OR8G1: variants seen among roughly 807,000 people sequenced by gnomAD.
OR8G1 encodes olfactory receptor 8G1.
For synonymous variants in OR8G1, 129 were observed against 133.3 expected, an observed-to-expected ratio of 0.97 and a Z score of 0.22; for missense variants, 372 against 356.2, an observed-to-expected ratio of 1.04 and a Z score of -0.36.
intron 2 of OR8G1, 79 bp downstream of exon 2, chr11:124,247,959 A>G (rs1861828536): frequency 6.6e-6 from 1 of 151,918 alleles, no homozygotes; most frequent in African/African-American, 2.4e-5. Context: ...TCTTTTCCAA[A>G]GTGGTTGGAC....
At chr11:124,244,069 AGGGAGAGAGAGATGGAGAGAGAAC>A (rs1861787805) in intron 1 of OR8G1, among the ~76,000 whole-genome samples, 3 of 143,772 alleles carry the variant, frequency 2.1e-5, no homozygotes, top group Admixed American at 6.9e-5. Context: ...AAGGATGGAG[AGGGAGAGAGAGATGGAGAGAGAAC>A]GAGGAAAGGA....
chr11:124,250,415 C>T lies in OR8G1; in HGVS notation c.740C>T (p.Ala247Val), dbSNP rs4482039. Residue 247 changes from alanine (A) to valine (V), a missense_variant, in exon 3 of 3, where the codon GCG becomes GTG. Coordinates refer to ENST00000641972, the MANE Select transcript of OR8G1 (RefSeq NM_001002905.2). The part of the protein sequence containing the change: ...AFSTCSSHML[A>V]VVIFFGSAAF... ...AGCACTTGTAGCTCCCACATGTTGG[C>T]GGTTGTAATCTTTTTTGGATCTGCA... 8.5e-3 allele frequency: 13,718 copies of T among 1,613,704 alleles called. 792 individuals are homozygous for T. The African/African-American group carries it at 0.14, about 17-fold the overall frequency.
At position 124,253,119 on chromosome 11, in the gene OR8G1, G is replaced by A. The variant is rs2466711; in HGVS notation, c.*2508G>A. 3.9e-5 allele frequency: 6 copies of A among 152,112 alleles called. No individual in the cohort carries two copies. In the East Asian group the frequency reaches 1.2e-3, roughly 29 times the overall value. 9.4% of individuals were successfully genotyped at this position (152,112 alleles called of 1,614,324 possible). On this transcript the variant is annotated 3_prime_UTR_variant, in exon 3 of 3. Transcript: ENST00000641972. Reference sequence around the variant, plus strand: ...AAGATAAAACAATAATTTAAAGTCCGTTAGAAAACTATTTATGTTTGCTGA... The same window carrying A: ...AAGATAAAACAATAATTTAAAGTCCATTAGAAAACTATTTATGTTTGCTGA...
chr11:124,249,249 C>A (rs1861839870), intron 2 of OR8G1, among the ~76,000 whole-genome samples: 1 of 152,054 alleles, frequency 6.6e-6, no homozygotes, highest in South Asian at 2.1e-4. Flanking sequence ...ACAGTAATAT[C>A]TCTGTTCACC....
intron 1 of OR8G1, among the ~76,000 whole-genome samples, chr11:124,246,696 A>C (rs12419489): frequency 0.017 from 2,644 of 151,882 alleles, 47 homozygotes; most frequent in Admixed American, 0.041. Flanking sequence ...TATAGATCAC[A>C]TGACCCTCCA....
rs1013363511 is a variant in OR8G1 at position 124,254,280 on chromosome 11, A to G, written c.*3669A>G. The G allele has an allele frequency of 1.3e-5, 2 of 152,096 alleles. No homozygotes were observed. Among genetic ancestry groups the G allele is most frequent in the African/African-American group, 4.8e-5 (2 of 41,438 alleles). 9.4% of individuals were successfully genotyped at this position (152,096 alleles called of 1,614,324 possible). ...ACTGTAGTTTCTCTGCAATTTGATGATTTGTAATTTTGAACACTTTTTCAT... is the reference window on the plus strand; with the variant it reads ...ACTGTAGTTTCTCTGCAATTTGATGGTTTGTAATTTTGAACACTTTTTCAT... On this transcript the variant is annotated 3_prime_UTR_variant, in exon 3 of 3. Coordinates refer to ENST00000641972, the MANE Select transcript of OR8G1 (RefSeq NM_001002905.2).
At chr11:124,244,471 C>G (rs1861793018) in intron 1 of OR8G1, among the ~76,000 whole-genome samples, 1 of 151,832 alleles carries the variant, frequency 6.6e-6, no homozygotes, top group African/African-American at 2.4e-5. Context: ...GTTACTCGGT[C>G]TTACTCATGA....
chr11:124,247,084 G>T (rs1367493195), intron 1 of OR8G1, among the ~76,000 whole-genome samples: 1 of 151,598 alleles, frequency 6.6e-6, no homozygotes, highest in Non-Finnish European at 1.5e-5. Context: ...AAGTTGAATT[G>T]TTGATTCAAG....
rs771640961 is a variant in OR8G1, at chr11:124,249,774, A to C, written c.99A>C (p.Gly33=). The change falls in exon 3 of 3, where the codon GGA becomes GGC. Residue 33 remains glycine, a synonymous_variant. Transcript: ENST00000641972. ...TGCCCCTCTTCCTCCTGTTCTTAGG[A>C]ATCTATGTGGTCACAGTGGTGGGCA... ...LQLPLFLLFL[G]IYVVTVVGNL... The C allele has an allele frequency of 2.5e-6, 4 of 1,613,838 alleles. No individual in the cohort carries two copies. In the Admixed American group the frequency reaches 6.7e-5, roughly 27 times the overall value.
In OR8G1 at chr11:124,241,279, G is replaced by T. The variant is rs1861758079; in HGVS notation, c.-182G>T. ...ACCAACATTAATGCCATGTCAGGAA[G>T]AGAACATTCCAAGCCAACATTCTCC... On this transcript the variant is annotated 5_prime_UTR_variant, in exon 1 of 3. The change creates a premature stop within an existing upstream ORF in the 5' untranslated region. Coordinates refer to ENST00000641972, the MANE Select transcript of OR8G1 (RefSeq NM_001002905.2). The T allele has an allele frequency of 6.6e-6, 1 of 152,110 alleles. No homozygotes were observed. The highest frequency in any genetic ancestry group is 1.5e-5 in the Non-Finnish European group (1 of 68,020). 9.4% of individuals were successfully genotyped at this position (152,110 alleles called of 1,614,324 possible). A position where few individuals can be genotyped will look rare whatever the true frequency, so the allele number is the denominator to read the frequency against.
chr11:124,244,486 G>A (rs1861793101), intron 1 of OR8G1, among the ~76,000 whole-genome samples: 1 of 151,884 alleles, frequency 6.6e-6, no homozygotes, highest in African/African-American at 2.4e-5. Flanking sequence ...TCATGAGCAT[G>A]TTGTGAGAGC....
chr11:124,248,263 G>A (rs1318930158), intron 2 of OR8G1, among the ~76,000 whole-genome samples: 1 of 151,678 alleles, frequency 6.6e-6, no homozygotes, highest in Non-Finnish European at 1.5e-5. Flanking sequence ...CCCTTTTTCA[G>A]ATATATGTAT....
intron 1 of OR8G1, among the ~76,000 whole-genome samples, chr11:124,242,503 C>T (rs1355380159): frequency 1.3e-5 from 2 of 152,000 alleles, no homozygotes; most frequent in Non-Finnish European, 1.5e-5. Context: ...ACAGTCTTAT[C>T]TGTGAGAACC....
intron 1 of OR8G1, among the ~76,000 whole-genome samples, chr11:124,246,876 AAAAAG>A (rs1445285974): frequency 1.7e-3 from 63 of 37,454 alleles, no homozygotes; most frequent in African/African-American, 8.9e-3. Context: ...CTAAAAAAAA[AAAAAG>A]GCCCCACATC....
At chr11:124,247,217 T>A (rs1022007652) in intron 1 of OR8G1, among the ~76,000 whole-genome samples, 2 of 151,754 alleles carry the variant, frequency 1.3e-5, no homozygotes, top group Non-Finnish European at 2.9e-5. Flanking sequence ...AAAATTAACA[T>A]ACCCAAAAGT....
Position 124,250,659 on chromosome 11 carries a change from T to C in OR8G1, c.*48T>C. The stretch of plus-strand genomic sequence containing the variant: ...ATATTAATCCTAAGTAGTGGACTGT[T>C]ACATTGTATGAATGGATGTCTTTCA... On this transcript the variant is annotated 3_prime_UTR_variant, in exon 3 of 3. Transcript: ENST00000641972. The C allele has an allele frequency of 2.4e-6, 1 of 410,914 alleles. No individual in the cohort carries two copies. The highest frequency in any genetic ancestry group is 3.8e-6 in the Non-Finnish European group (1 of 260,722). 25.5% of individuals were successfully genotyped at this position (410,914 alleles called of 1,614,324 possible).
chr11:124,250,521 G>T lies in OR8G1; in HGVS notation c.846G>T (p.Val282=). The change falls in exon 3 of 3, where the codon GTG becomes GTT. Residue 282 remains valine, a synonymous_variant. Coordinates refer to ENST00000641972, the MANE Select transcript of OR8G1 (RefSeq NM_001002905.2). ...CCTCTGTGTTTTATACTATTATTGT[G>T]CCCATGTTGAACCCTCTGATTTATA... ...KVSSVFYTII[V]PMLNPLIYSL... is the part of the protein sequence containing the mutation. The T allele has an allele frequency of 2.5e-6, 4 of 1,612,994 alleles. No homozygotes were observed. Among genetic ancestry groups the T allele is most frequent in the Middle Eastern group, 1.7e-4 (1 of 6,054 alleles).
At chr11:124,243,531 C>T (rs1345276686) in intron 1 of OR8G1, among the ~76,000 whole-genome samples, 2 of 151,948 alleles carry the variant, frequency 1.3e-5, no homozygotes, top group African/African-American at 2.4e-5. Flanking sequence ...GAATATTAGA[C>T]TTAGTATCAA....
intron 2 of OR8G1, among the ~76,000 whole-genome samples, chr11:124,249,016 G>A (rs2466702): frequency 0.51 from 77,670 of 151,846 alleles, 20,498 homozygotes; most frequent in South Asian, 0.7. Context: ...TTGAGTTTAA[G>A]GCCTGTCCAT....
Sources: allele counts gnomAD v4.1 joint callset (sites outside exome capture counted in the v4.1 genomes callset), GRCh38; gene constraint gnomAD v4.1.1; transcripts MANE v1.5; gene names NCBI Gene and HGNC (gene_info 2026-07-23, HGNC 2026-07-21).